The following TTN variants were observed in gnomAD, a reference collection of about 807,000 sequenced individuals.
TTN encodes connectin.
Under a neutral mutation model 3,223.0 loss-of-function variants are expected in TTN, and 1,525 were observed. The ratio of observed to expected loss-of-function variants is 0.47; its 90% CI spans 0.45 to 0.49. The LOEUF (loss-of-function observed/expected upper bound fraction) is 0.49, where lower values mean the gene tolerates loss of function less well. Among genes scored for constraint, TTN ranks in the 20% least tolerant of loss-of-function variants. The probability of loss-of-function intolerance (pLI) is 0.00; values close to 1 mark genes in which losing one functional copy is unlikely to be tolerated. For synonymous variants in TTN, 14,094 were observed against 15,161.0 expected, an observed-to-expected ratio of 0.93 and a Z score of 5.17; for missense variants, 40,786 against 43,424.0, an observed-to-expected ratio of 0.94 and a Z score of 5.40.
In TTN at chr2:178,612,390, A is replaced by T; in HGVS notation, c.50135T>A (p.Val16712Asp). Residue 16712 changes from valine (V) to aspartate (D), a missense_variant, in exon 266 of 363, where the codon GTC (valine) becomes GAC (aspartate). Coordinates refer to ENST00000589042, the MANE Select transcript of TTN (RefSeq NM_001267550.2). ...TAAAGAGCCCTCAGTCAGTGGGGTG[A>T]CTGTGCACTTGGTGTCCTTGACAGT... is the stretch of plus-strand genomic sequence containing the variant. ...DTTVKDTKCT[V>D]TPLTEGSLYV... The T allele has an allele frequency of 6.2e-7, 1 of 1,612,488 alleles. No homozygotes were observed. The highest frequency in any genetic ancestry group is 8.5e-7 in the Non-Finnish European group (1 of 1,179,158).
At chr2:178,664,185 T>C in intron 168 of TTN, 87 bp from the exon 169 acceptor site, 1 of 1,326,576 alleles carries the variant, frequency 7.5e-7, no homozygotes, top group Non-Finnish European at 1.0e-6. Flanking sequence ...AAAGAGCTAT[T>C]TTTTTCTCCT....
Position 178,569,857 on chromosome 2 carries a change from A to G in TTN, c.76275T>C (p.Ser25425=), listed in dbSNP as rs766733150. The G allele has an allele frequency of 6.2e-7, 1 of 1,613,502 alleles. No individual in the cohort carries two copies. Among genetic ancestry groups the G allele is most frequent in the Non-Finnish European group, 8.5e-7 (1 of 1,179,634 alleles). Residue 25425 remains serine (S), a synonymous_variant, in exon 326 of 363, where the codon TCT becomes TCC. Coordinates refer to ENST00000589042, the MANE Select transcript of TTN (RefSeq NM_001267550.2). The part of the protein sequence containing the change: ...IDITRSSVFL[S]WSKPIYDGGC... ...CACCATCATATATTGGTTTGCTCCA[A>G]GAAAGGAATACTGAAGATCTGGTTA... is the stretch of plus-strand genomic sequence containing the variant.
chr2:178,693,292 C>A (rs1239100657), intron 119 of TTN, among the ~76,000 whole-genome samples: 2 of 151,994 alleles, frequency 1.3e-5, no homozygotes, highest in Non-Finnish European at 1.5e-5. Flanking sequence ...TACTGACTGG[C>A]AAAATTCCTG....
At position 178,542,551 on chromosome 2, in the gene TTN, G is replaced by A; in HGVS notation, c.97205C>T (p.Pro32402Leu). ...ATCAATCTTAATAGGTCCTGTTGGT[G>A]GACCAGGCTTGTCTATGAAAGAGAA... is the stretch of plus-strand genomic sequence containing the variant. ...IKVIILDKPG[P>L]PTGPIKIDEI... Residue 32402 changes from proline to leucine, a missense_variant, in exon 349 of 363, where the codon CCA becomes CTA. By Grantham distance (98) the Pro-to-Leu change is moderately conservative (BLOSUM62 -3). Coordinates refer to ENST00000589042, the MANE Select transcript of TTN (RefSeq NM_001267550.2). The A allele has an allele frequency of 6.2e-7, 1 of 1,602,350 alleles. No homozygotes were observed. Among genetic ancestry groups the A allele is most frequent in the South Asian group, 1.1e-5 (1 of 90,146 alleles).
intron 47 of TTN, chr2:178,748,406 C>A (rs2154327871): frequency 1.2e-6 from 2 of 1,613,200 alleles, no homozygotes; most frequent in East Asian, 2.2e-5. Flanking sequence ...ATTTTGCACA[C>A]TTTTAGAGAT....
At position 178,530,112 on chromosome 2, in the gene TTN, A is replaced by G. The variant is rs1398739704; in HGVS notation, c.106379T>C (p.Ile35460Thr). 9 of 1,596,094 alleles carry G rather than the reference A, an allele frequency of 5.6e-6. No homozygotes were observed. The highest frequency in any genetic ancestry group is 6.8e-6 in the Non-Finnish European group (8 of 1,175,654). The change falls in exon 359 of 363, where the codon ATT (isoleucine) becomes ACT (threonine). Residue 35460 changes from isoleucine (I) to threonine (T), a missense_variant. Ile to Thr is a moderately conservative substitution (Grantham distance 89, BLOSUM62 -1). Coordinates refer to ENST00000589042, the MANE Select transcript of TTN (RefSeq NM_001267550.2). ...TAIWTKDGKA[I>T]TQGGKYKLSE... The stretch of plus-strand genomic sequence containing the variant: ...GAGTTTATATTTACCTCCTTGTGTA[A>G]TGGCCTGTAGAATGCAAATGATTTG...
chr2:178,703,314 T>C (rs2154290468), intron 106 of TTN, among the ~76,000 whole-genome samples: 1 of 152,304 alleles, frequency 6.6e-6, no homozygotes, highest in East Asian at 1.9e-4. Flanking sequence ...TGGTGAGCTC[T>C]ATTTACTAAA....
chr2:178,619,555 T>G, intron 250 of TTN, 66 bp downstream of exon 250: 1 of 1,574,692 alleles, frequency 6.4e-7, no homozygotes, highest in South Asian at 1.2e-5. Flanking sequence ...CCTCATTAAA[T>G]AACTGTGAAA....
chr2:178,581,770 A>G lies in TTN; in HGVS notation c.66498T>C (p.Tyr22166=), dbSNP rs751453460. The change falls in exon 316 of 363, where the codon TAT becomes TAC. Residue 22166 remains tyrosine, a synonymous_variant. Coordinates refer to ENST00000589042, the MANE Select transcript of TTN (RefSeq NM_001267550.2). ...PPGPPAFPKV[Y]DTTRSSVSLS... is the part of the protein sequence containing the mutation. ...GACTCACAGAGCTGCGAGTTGTATCATATACTTTAGGGAAAGCCGGTGGGC... is the reference window on the plus strand; with the variant it reads ...GACTCACAGAGCTGCGAGTTGTATCGTATACTTTAGGGAAAGCCGGTGGGC... The G allele has an allele frequency of 6.2e-7, 1 of 1,603,444 alleles. No homozygotes were observed. The highest frequency in any genetic ancestry group is 1.1e-5 in the South Asian group (1 of 89,836).
chr2:178,528,825 G>A lies in TTN; in HGVS notation c.106926C>T (p.Gly35642=), dbSNP rs761965591. Residue 35642 remains glycine, a synonymous_variant, in exon 360 of 363, where the codon GGC becomes GGT. Coordinates refer to ENST00000589042, the MANE Select transcript of TTN (RefSeq NM_001267550.2). ...GATDVKWVLN[G]VELTNSEEYR... is the part of the protein sequence containing the mutation. Reference sequence around the variant, plus strand: ...ACTCCTCAGAGTTGGTAAGCTCTACGCCATTCAGTACCCATTTCACATCAG... The same window carrying A: ...ACTCCTCAGAGTTGGTAAGCTCTACACCATTCAGTACCCATTTCACATCAG... The A allele has an allele frequency of 4.5e-5, 72 of 1,613,786 alleles. No homozygotes were observed. In the East Asian group the frequency reaches 6.2e-4, roughly 14 times the overall value.
Position 178,639,768 on chromosome 2 carries a change from G to A in TTN, c.40807C>T (p.Pro13603Ser). The A allele has an allele frequency of 6.3e-7, 1 of 1,599,608 alleles. No individual in the cohort carries two copies. Among genetic ancestry groups the A allele is most frequent in the Non-Finnish European group, 8.5e-7 (1 of 1,174,584 alleles). The change falls in exon 223 of 363, where the codon CCT (proline) becomes TCT (serine). Residue 13603 changes from proline to serine, a missense_variant. Pro to Ser is a moderately conservative substitution (Grantham distance 74). Transcript: ENST00000589042. ...GGGGTTGGTTCAGGTTCCACAGGAG[G>A]TGGTTTGATTGTTTTCACTTCTGTA... ...PEAEVKTIKP[P>S]PVEPEPTPIA...
rs768882533 is a variant in TTN, at chr2:178,558,615, T to A, written c.86844A>T (p.Lys28948Asn). Reference sequence around the variant, plus strand: ...CTTTGGATATACTTGTTACTCCAAGTTTTTCAGGTGGGCTTGGTTTTTCTA... The same window carrying A: ...CTTTGGATATACTTGTTACTCCAAGATTTTCAGGTGGGCTTGGTTTTTCTA... ...KITEKPSPPE[K>N]LGVTSISKDS... Residue 28948 changes from lysine to asparagine, a missense_variant, in exon 327 of 363, where the codon AAA becomes AAT. By Grantham distance (94) the Lys-to-Asn change is moderately conservative (BLOSUM62 0). Transcript: ENST00000589042. 1 of 1,611,936 alleles carries A rather than the reference T, an allele frequency of 6.2e-7. No homozygotes were observed. Among genetic ancestry groups the A allele is most frequent in the South Asian group, 1.1e-5 (1 of 90,310 alleles).
chr2:178,616,351 T>G, intron 257 of TTN, 128 bp downstream of exon 257: 1 of 1,300,330 alleles, frequency 7.7e-7, no homozygotes, highest in East Asian at 2.4e-5. Context: ...CTTAAAAAGT[T>G]TTTGTACATT....
At chr2:178,527,356 T>TAA (rs1558957003) in intron 362 of TTN, 49 bp from the exon 363 acceptor site, 1 of 1,561,790 alleles carries the variant, frequency 6.4e-7, no homozygotes, top group Non-Finnish European at 8.6e-7. Flanking sequence ...CTGAAAAAAA[T>TAA]AAAGATTTGC....
At chr2:178,772,780 A>G (rs1387918817) in intron 33 of TTN, among the ~76,000 whole-genome samples, 3 of 152,228 alleles carry the variant, frequency 2.0e-5, no homozygotes, top group African/African-American at 7.2e-5. Flanking sequence ...CTGATATTGA[A>G]AGAGGAAATG....
At chr2:178,528,004 T>A in intron 361 of TTN, 1 of 534,210 alleles carries the variant, frequency 1.9e-6, no homozygotes, top group Non-Finnish European at 3.2e-6. Context: ...GAAAAATGAT[T>A]AGTCATATAG....
chr2:178,749,714 T>C, intron 47 of TTN: 6 of 1,613,088 alleles, frequency 3.7e-6, no homozygotes, highest in Non-Finnish European at 5.1e-6. Flanking sequence ...AACACATTTA[T>C]ATTTTCCAGA....
At chr2:178,795,879 G>A (rs143431363) in intron 6 of TTN, among the ~76,000 whole-genome samples, 4 of 152,260 alleles carry the variant, frequency 2.6e-5, no homozygotes, top group South Asian at 2.1e-4. Context: ...TGCTTTAGCC[G>A]AAGTGTTTGT....
chr2:178,596,335 A>G (rs1282713657), intron 294 of TTN, among the ~76,000 whole-genome samples: 2 of 152,028 alleles, frequency 1.3e-5, no homozygotes, highest in African/African-American at 4.8e-5. Context: ...ATTGGTTACC[A>G]TGGTTTTAGT....
Sources: gnomAD v4.1 joint callset for allele counts (sites outside exome capture counted in the v4.1 genomes callset) on GRCh38, gnomAD v4.1.1 for gene constraint, MANE v1.5 for transcripts, NCBI Gene and HGNC (gene_info 2026-07-23, HGNC 2026-07-21) for gene names.